PTK2B: variants seen among roughly 807,000 people sequenced by gnomAD.
The protein encoded by PTK2B is protein tyrosine kinase 2 beta, also known as protein-tyrosine kinase 2-beta.
Under a neutral mutation model 142.9 loss-of-function variants are expected in PTK2B, and 71 were observed. The ratio of observed to expected loss-of-function variants is 0.50; its 90% CI spans 0.41 to 0.61. The LOEUF (loss-of-function observed/expected upper bound fraction) is 0.61, where lower values mean the gene tolerates loss of function less well. PTK2B is among the 20% of genes least tolerant of loss of function. The pLI, the probability that PTK2B is intolerant of heterozygous loss-of-function variation, is 0.00. For synonymous variants in PTK2B, 519 were observed against 503.4 expected (o/e 1.03, Z -0.42); for missense variants, 1,105 against 1,320.4 (o/e 0.84, Z 2.53).
intron 1 of PTK2B, among the ~76,000 whole-genome samples, chr8:27,350,566 A>G (rs560820770): frequency 3.2e-4 from 42 of 129,848 alleles, no homozygotes; most frequent in Non-Finnish European, 6.5e-4. Flanking sequence ...CAGGGCAAAG[A>G]TCAGTAGAGC....
At chr8:27,372,008 A>G (rs1028340030) in intron 1 of PTK2B, among the ~76,000 whole-genome samples, 1 of 152,262 alleles carries the variant, frequency 6.6e-6, no homozygotes, top group African/African-American at 2.4e-5. Flanking sequence ...CAAGGGGAAC[A>G]GGGTGTTATG....
chr8:27,458,675 G>T lies in PTK2B; in HGVS notation c.*166G>T. 1 of 676,850 alleles carries T rather than the reference G, an allele frequency of 1.5e-6. No individual in the cohort carries two copies. Among genetic ancestry groups the T allele is most frequent in the East Asian group, 2.7e-5 (1 of 36,750 alleles). The allele number at this position is 676,850 out of a possible 1,614,324, so 41.9% of individuals were successfully genotyped here. Reference sequence around the variant, plus strand: ...CCCCACCCCTACCCCTGGCTGTACTGCTCAGGCTGCAGCTGGACAGAGGGG... The same window carrying T: ...CCCCACCCCTACCCCTGGCTGTACTTCTCAGGCTGCAGCTGGACAGAGGGG... On this transcript the variant is annotated 3_prime_UTR_variant, in exon 31 of 31. Coordinates refer to ENST00000346049, the MANE Select transcript of PTK2B (RefSeq NM_173176.3).
chr8:27,430,344 CT>C lies in PTK2B; in HGVS notation c.615-15del. The stretch of plus-strand genomic sequence containing the variant: ...GGGGTGAGGGGGAGTCACATGCTGC[CT>C]TTTTCTTCCTTCTTGCAGAAAGGAA... On this transcript the variant is annotated intron_variant, in intron 6 of 30. Coordinates refer to ENST00000346049, the MANE Select transcript of PTK2B (RefSeq NM_173176.3). The C allele has an allele frequency of 5.0e-6, 8 of 1,614,114 alleles. No individual in the cohort carries two copies. Among genetic ancestry groups the C allele is most frequent in the Non-Finnish European group, 5.9e-6 (7 of 1,180,024 alleles).
chr8:27,381,741 C>T (rs11782190), intron 1 of PTK2B, among the ~76,000 whole-genome samples: 67,014 of 151,918 alleles, frequency 0.44, 15,769 homozygotes, highest in Non-Finnish European at 0.53. Flanking sequence ...CATACGGTTC[C>T]CCGTAATGGT....
chr8:27,381,655 G>GA (rs1226798587), intron 1 of PTK2B, among the ~76,000 whole-genome samples: 4 of 152,158 alleles, frequency 2.6e-5, no homozygotes, highest in South Asian at 2.1e-4. Flanking sequence ...ATTTCCTCTG[G>GA]AAAAAATCCC....
intron 2 of PTK2B, 84 bp from the exon 3 acceptor site, chr8:27,419,811 A>T: frequency 6.9e-7 from 1 of 1,447,250 alleles, no homozygotes; most frequent in South Asian, 1.2e-5. Flanking sequence ...ACCCTAGAGA[A>T]TCCCACTTTT....
intron 18 of PTK2B, among the ~76,000 whole-genome samples, chr8:27,438,254 A>G (rs979075861): frequency 4.6e-5 from 7 of 152,134 alleles, no homozygotes; most frequent in African/African-American, 1.7e-4. Context: ...GGGCTGGAGC[A>G]GGGCCAAGAA....
At position 27,440,453 on chromosome 8, in the gene PTK2B, G is replaced by T; in HGVS notation, c.2039+12G>T. The T allele has an allele frequency of 6.2e-7, 1 of 1,612,676 alleles. No homozygotes were observed. Among genetic ancestry groups the T allele is most frequent in the South Asian group, 1.1e-5 (1 of 91,040 alleles). ...GTGTGCAGCCTCAGGTGAGCATGGA[G>T]TGTGGGCTGTGGGCTGGGGGCCCAC... On this transcript the variant is annotated intron_variant, in intron 21 of 30. Transcript: ENST00000346049.
intron 1 of PTK2B, among the ~76,000 whole-genome samples, chr8:27,372,384 T>G (rs1806413488): frequency 6.6e-6 from 1 of 152,154 alleles, no homozygotes; most frequent in Non-Finnish European, 1.5e-5. Context: ...AATGTTTCAG[T>G]TTGATTCTGA....
chr8:27,383,181 A>G (rs34511075), intron 1 of PTK2B, among the ~76,000 whole-genome samples: 64,857 of 151,976 alleles, frequency 0.43, 15,238 homozygotes, highest in Non-Finnish European at 0.53. Context: ...AATTATTCCA[A>G]TCCATGAACA....
intron 1 of PTK2B, among the ~76,000 whole-genome samples, chr8:27,368,563 C>T (rs962508048): frequency 6.6e-6 from 1 of 152,234 alleles, no homozygotes; most frequent in African/African-American, 2.4e-5. Flanking sequence ...ACAAGGCTTC[C>T]TGCCTGATTA....
intron 1 of PTK2B, among the ~76,000 whole-genome samples, chr8:27,372,366 G>A (rs1420458643): frequency 6.6e-6 from 1 of 152,206 alleles, no homozygotes; most frequent in Non-Finnish European, 1.5e-5. Context: ...CAAGACCCAG[G>A]AAGAGTTAAT....
rs545771092 is a variant in PTK2B at position 27,371,682 on chromosome 8, G to A, written c.-37-25866G>A. On this transcript the variant is annotated intron_variant, in intron 1 of 30. Transcript: ENST00000346049. ...CCTGCCTCGGCATCCCAAGTAGCTG[G>A]TATTACAGGCATGCACCACCATGCC... Among the ~76,000 whole-genome samples the A allele has an allele frequency of 3.3e-5, 5 of 152,146 alleles. No homozygotes were observed. The South Asian group carries it at 1.0e-3, about 32-fold the overall frequency.
intron 24 of PTK2B, among the ~76,000 whole-genome samples, chr8:27,448,070 C>A (rs1309511877): frequency 6.6e-6 from 1 of 152,134 alleles, no homozygotes; most frequent in Non-Finnish European, 1.5e-5. Flanking sequence ...GAGAGGAGGA[C>A]AACCCTTTCC....
chr8:27,373,866 A>G (rs995684246), intron 1 of PTK2B, among the ~76,000 whole-genome samples: 7 of 151,942 alleles, frequency 4.6e-5, no homozygotes, highest in African/African-American at 1.7e-4. Context: ...CAGAATAGTG[A>G]AAAATACGCC....
intron 1 of PTK2B, among the ~76,000 whole-genome samples, chr8:27,378,428 T>C (rs1231382916): frequency 1.3e-5 from 2 of 152,248 alleles, no homozygotes; most frequent in Non-Finnish European, 2.9e-5. Flanking sequence ...AATATTCATA[T>C]GCAAGACTGT....
At chr8:27,348,137 A>T (rs1804822165) in intron 1 of PTK2B, among the ~76,000 whole-genome samples, 1 of 152,264 alleles carries the variant, frequency 6.6e-6, no homozygotes, top group Non-Finnish European at 1.5e-5. Flanking sequence ...ACTGAGTAAC[A>T]TATGGGAAAA....
In PTK2B at chr8:27,434,632, T is replaced by C; in HGVS notation, c.1192+73T>C. 2.7e-6 allele frequency: 4 copies of C among 1,486,982 alleles called. No individual in the cohort carries two copies. The South Asian group carries it at 4.8e-5, about 18-fold the overall frequency. The allele number at this position is 1,486,982 out of a possible 1,614,324, so 92.1% of individuals were successfully genotyped here. On this transcript the variant is annotated intron_variant, in intron 13 of 30. Coordinates refer to ENST00000346049, the MANE Select transcript of PTK2B (RefSeq NM_173176.3). ...GCTTGCTCCCCACTGCTTGCTCTCG[T>C]GACATTGCCGAGGGTTTCCTCCAAG...
intron 1 of PTK2B, among the ~76,000 whole-genome samples, chr8:27,360,295 A>G (rs1805622787): frequency 2.0e-5 from 3 of 152,244 alleles, no homozygotes; most frequent in Admixed American, 1.3e-4. Flanking sequence ...TAACACCCAG[A>G]ATGGGAGATG....
Sources: gnomAD v4.1 joint callset for allele counts (sites outside exome capture counted in the v4.1 genomes callset) on GRCh38, gnomAD v4.1.1 for gene constraint, MANE v1.5 for transcripts, NCBI Gene and HGNC (gene_info 2026-07-23, HGNC 2026-07-21) for gene names.